Variants in BANK1 observed in about 807,000 individuals in gnomAD.
The protein encoded by BANK1 is B cell scaffold protein with ankyrin repeats 1, also known as B-cell scaffold protein with ankyrin repeats.
In BANK1, 95 loss-of-function variants were observed where a neutral mutation model predicts 94.5. The observed-to-expected ratio is 1.00, with a 90% CI of 0.85 to 1.19. The LOEUF (loss-of-function observed/expected upper bound fraction) is 1.19. Among genes scored for constraint, BANK1 ranks in the 50% most tolerant of loss-of-function variants. The probability of loss-of-function intolerance (pLI) is 0.00; values close to 1 mark genes in which losing one functional copy is unlikely to be tolerated. For synonymous variants in BANK1, 334 were observed against 308.4 expected, an observed-to-expected ratio of 1.08 and a Z score of -0.87; for missense variants, 987 against 932.2, an observed-to-expected ratio of 1.06 and a Z score of -0.77.
intron 8 of BANK1, 121 bp downstream of exon 8, chr4:102,021,713 TTAAC>T (rs1726907748): frequency 2.6e-6 from 1 of 388,840 alleles, no homozygotes; most frequent in South Asian, 1.1e-4. Flanking sequence ...CGGTATTTAA[TTAAC>T]TGATTGGCTT....
intron 7 of BANK1, among the ~76,000 whole-genome samples, chr4:101,986,735 T>C (rs1321884588): frequency 6.7e-6 from 1 of 149,550 alleles, no homozygotes; most frequent in Non-Finnish European, 1.5e-5. Flanking sequence ...TTACTCTTTC[T>C]TCTAATGTGA....
intron 5 of BANK1, among the ~76,000 whole-genome samples, chr4:101,879,573 G>A (rs1429528798): frequency 6.6e-6 from 1 of 151,828 alleles, no homozygotes; most frequent in African/African-American, 2.4e-5. Flanking sequence ...AGAGGGGGAA[G>A]GAACACTTCC....
chr4:101,866,606 C>G (rs755474316), intron 4 of BANK1, among the ~76,000 whole-genome samples: 1 of 151,952 alleles, frequency 6.6e-6, no homozygotes, highest in Non-Finnish European at 1.5e-5. Context: ...AAAACGAATA[C>G]CTTACCTGTA....
intron 6 of BANK1, among the ~76,000 whole-genome samples, chr4:101,906,344 G>A (rs192493944): frequency 2.7e-4 from 41 of 152,208 alleles, no homozygotes; most frequent in African/African-American, 7.5e-4. Flanking sequence ...CCTGTTGATC[G>A]GGGGGTATAT....
chr4:102,048,096 A>AT (rs892527570), intron 11 of BANK1, among the ~76,000 whole-genome samples: 9 of 152,152 alleles, frequency 5.9e-5, no homozygotes, highest in East Asian at 3.9e-4. Flanking sequence ...TGTCTGTAAT[A>AT]TTTTTTCTGT....
chr4:102,024,238 A>G (rs1344174058), intron 8 of BANK1, among the ~76,000 whole-genome samples: 1 of 152,194 alleles, frequency 6.6e-6, no homozygotes, highest in Non-Finnish European at 1.5e-5. Flanking sequence ...ATTTTAGCTT[A>G]GCAACATTTT....
chr4:101,875,922 A>T (rs1728472676), intron 5 of BANK1, among the ~76,000 whole-genome samples: 1 of 152,158 alleles, frequency 6.6e-6, no homozygotes, highest in Admixed American at 6.5e-5. Flanking sequence ...CACAAGCTGG[A>T]GTGGCTAAAG....
chr4:101,978,253 G>C (rs1293859596), intron 7 of BANK1, among the ~76,000 whole-genome samples: 1 of 151,822 alleles, frequency 6.6e-6, no homozygotes, highest in African/African-American at 2.4e-5. Context: ...TAGAATCACA[G>C]TATTTTAAAG....
At chr4:101,809,110 A>G (rs1302805343) in intron 1 of BANK1, among the ~76,000 whole-genome samples, 3 of 152,240 alleles carry the variant, frequency 2.0e-5, no homozygotes, top group Non-Finnish European at 4.4e-5. Context: ...ATGCCCATCA[A>G]TCAATGAGTG....
intron 11 of BANK1, among the ~76,000 whole-genome samples, chr4:102,059,588 A>G (rs1728344948): frequency 6.6e-6 from 1 of 152,190 alleles, no homozygotes; most frequent in South Asian, 2.1e-4. Context: ...GTTTGCTACC[A>G]CTGTGCCTCA....
chr4:101,914,860 C>G (rs1330131256), intron 6 of BANK1, among the ~76,000 whole-genome samples: 2 of 152,100 alleles, frequency 1.3e-5, no homozygotes, highest in African/African-American at 4.8e-5. Context: ...TTTTAAACAG[C>G]TAATTCACCA....
chr4:101,805,197 C>T (rs1022430013), intron 1 of BANK1, among the ~76,000 whole-genome samples: 26 of 152,014 alleles, frequency 1.7e-4, no homozygotes, highest in Admixed American at 8.5e-4. Context: ...TTAAAGCAAA[C>T]ATATGGGCTG....
chr4:101,811,802 A>G (rs1725738318), intron 1 of BANK1, among the ~76,000 whole-genome samples: 1 of 152,088 alleles, frequency 6.6e-6, no homozygotes, highest in East Asian at 1.9e-4. Context: ...CCTGGGATAA[A>G]TAAGATAAGA....
chr4:102,048,759 G>GT (rs1312062669), intron 11 of BANK1, among the ~76,000 whole-genome samples: 2 of 152,128 alleles, frequency 1.3e-5, no homozygotes, highest in Non-Finnish European at 2.9e-5. Flanking sequence ...AGTGCACTAA[G>GT]TTTAAGACTG....
intron 7 of BANK1, among the ~76,000 whole-genome samples, chr4:101,982,977 G>C (rs1725370604): frequency 6.6e-6 from 1 of 151,652 alleles, no homozygotes; most frequent in African/African-American, 2.4e-5. Context: ...ATTTGTCCTT[G>C]AAGAATTTTC....
chr4:101,837,949 C>T (rs1203517126), intron 2 of BANK1, among the ~76,000 whole-genome samples: 1 of 146,860 alleles, frequency 6.8e-6, no homozygotes, highest in Non-Finnish European at 1.5e-5. Flanking sequence ...CCTCTCCCTC[C>T]CCTCTCTCTT....
At chr4:102,048,644 TA>T (rs1727956019) in intron 11 of BANK1, among the ~76,000 whole-genome samples, 1 of 152,140 alleles carries the variant, frequency 6.6e-6, no homozygotes, top group Non-Finnish European at 1.5e-5. Flanking sequence ...ACAAGTTCTC[TA>T]AAGAAGGTAA....
chr4:101,858,336 G>A (rs180977194), intron 3 of BANK1, among the ~76,000 whole-genome samples: 127 of 152,264 alleles, frequency 8.3e-4, no homozygotes, highest in African/African-American at 2.8e-3. Context: ...TCCCACAACA[G>A]TGACACATTT....
Position 102,060,302 on chromosome 4 carries a change from A to G in BANK1, c.2061A>G (p.Val687=). 1 of 1,610,738 alleles carries G rather than the reference A, an allele frequency of 6.2e-7. No homozygotes were observed. The highest frequency in any genetic ancestry group is 8.5e-7 in the Non-Finnish European group (1 of 1,178,904). The part of the protein sequence containing the change: ...QEELILLQEK[V]KNGKMSMDEA... ...AACTCATCCTCCTGCAGGAGAAAGT[A>G]AAGAATGGGAAAATGTCTATGGATG... The change falls in exon 12 of 17, where the codon GTA becomes GTG. Residue 687 remains valine, a synonymous_variant. Coordinates refer to ENST00000322953, the MANE Select transcript of BANK1 (RefSeq NM_017935.5).
Sources: gnomAD v4.1 joint callset for allele counts (sites outside exome capture counted in the v4.1 genomes callset) on GRCh38, gnomAD v4.1.1 for gene constraint, MANE v1.5 for transcripts, NCBI Gene and HGNC (gene_info 2026-07-23, HGNC 2026-07-21) for gene names.